Variants in GABRA4 observed in about 807,000 individuals in gnomAD.
The protein encoded by GABRA4 is gamma-aminobutyric acid receptor subunit alpha-4.
GABRA4 carries 12 observed loss-of-function variants against 49.7 expected under a neutral mutation model. The observed-to-expected ratio is 0.24, with a 90% CI of 0.15 to 0.39. The LOEUF (loss-of-function observed/expected upper bound fraction) is 0.39, where lower values mean the gene tolerates loss of function less well. Ranked by LOEUF, GABRA4 falls within the 10% of genes least tolerant of loss-of-function variation. GABRA4 has a pLI of 1.00. For synonymous variants in GABRA4, 288 were observed against 240.2 expected (o/e 1.20, Z -1.84); for missense variants, 506 against 686.0 (o/e 0.74, Z 2.93).
At position 46,977,544 on chromosome 4, in the gene GABRA4, G is replaced by A; in HGVS notation, c.360C>T (p.Asn120=). ...TCCACACTTTCGTTACCATCATATT[G>A]TTCAATCTCAAAATTTCAATGGGGC... The part of the protein sequence containing the change: ...YDGPIEILRL[N]NMMVTKVWTP... The change falls in exon 4 of 9, where the codon AAC becomes AAT. Residue 120 remains asparagine, a synonymous_variant. Transcript: ENST00000264318. The A allele has an allele frequency of 6.2e-7, 1 of 1,612,780 alleles. No individual in the cohort carries two copies. Among genetic ancestry groups the A allele is most frequent in the Admixed American group, 1.7e-5 (1 of 59,902 alleles).
At chr4:46,940,769 C>T (rs575855190) in intron 8 of GABRA4, among the ~76,000 whole-genome samples, 5 of 152,002 alleles carry the variant, frequency 3.3e-5, no homozygotes, top group Non-Finnish European at 7.4e-5. Context: ...AGCCATTTGG[C>T]TGTTTTCCAG....
intron 8 of GABRA4, among the ~76,000 whole-genome samples, chr4:46,931,774 G>A (rs1243996625): frequency 6.6e-6 from 1 of 152,132 alleles, no homozygotes; most frequent in African/African-American, 2.4e-5. Flanking sequence ...GTCAGCCTGG[G>A]CTAGCCTGCT....
chr4:46,971,835 T>C (rs1256087591), intron 6 of GABRA4, among the ~76,000 whole-genome samples: 1 of 150,638 alleles, frequency 6.6e-6, no homozygotes, highest in South Asian at 2.1e-4. Context: ...AAGAAAAATA[T>C]AGACGTGTAT....
chr4:46,968,016 C>T lies in GABRA4; in HGVS notation c.875-2787G>A, dbSNP rs190927433. 1.5e-4 allele frequency among the ~76,000 whole-genome samples: 22 copies of T among 151,672 alleles called. 1 individual carries two copies. Among genetic ancestry groups the T allele is most frequent in the African/African-American group, 5.3e-4 (22 of 41,458 alleles). ...TTGGAGAGATTTTTAGGACACTCTG[C>T]TCCTTTTATTACACTGATTTTTTTT... On this transcript the variant is annotated intron_variant, in intron 7 of 8. Transcript: ENST00000264318.
intron 4 of GABRA4, 41 bp from the exon 5 acceptor site, chr4:46,977,184 A>G: frequency 7.4e-7 from 1 of 1,344,764 alleles, no homozygotes; most frequent in South Asian, 1.3e-5. Context: ...AACCCTTTTA[A>G]AGAATAATTG....
intron 4 of GABRA4, 92 bp downstream of exon 4, chr4:46,977,318 A>ACGGG (rs1723173632): frequency 3.4e-6 from 2 of 587,642 alleles, no homozygotes; most frequent in Non-Finnish European, 5.8e-6. Context: ...GGGAGGGAGG[A>ACGGG]AGGGAGGGAG....
intron 8 of GABRA4, among the ~76,000 whole-genome samples, chr4:46,937,547 G>C (rs1054809951): frequency 3.3e-5 from 5 of 151,684 alleles, no homozygotes; most frequent in Non-Finnish European, 7.4e-5. Flanking sequence ...TACTTTTCTG[G>C]TAACCCCAAA....
Position 46,931,276 on chromosome 4 carries a change from A to G in GABRA4, c.1135-2521T>C, listed in dbSNP as rs552375670. 2.6e-5 allele frequency among the ~76,000 whole-genome samples: 4 copies of G among 152,236 alleles called. No individual in the cohort carries two copies. In the South Asian group the frequency reaches 6.2e-4, roughly 24 times the overall value. ...TGTCAACATTCATGTAGCATTTGGT[A>G]GAGTACGTAGAAGTTCCTGTCTTAA... On this transcript the variant is annotated intron_variant, in intron 8 of 8. Transcript: ENST00000264318.
intron 7 of GABRA4, among the ~76,000 whole-genome samples, chr4:46,970,202 G>A (rs1222941144): frequency 6.6e-6 from 1 of 151,318 alleles, no homozygotes; most frequent in African/African-American, 2.4e-5. Context: ...CATCTCTTCA[G>A]CTATTGTGTG....
Position 46,928,252 on chromosome 4 carries a change from A to G in GABRA4, c.1638T>C (p.Thr546=), listed in dbSNP as rs934138097. 2.5e-6 allele frequency: 4 copies of G among 1,611,390 alleles called. No individual in the cohort carries two copies. The highest frequency in any genetic ancestry group is 1.1e-5 in the South Asian group (1 of 90,922). The change falls in exon 9 of 9, where the codon ACT becomes ACC. Residue 546 remains threonine, a synonymous_variant. Coordinates refer to ENST00000264318, the MANE Select transcript of GABRA4 (RefSeq NM_000809.4). Reference sequence around the variant, plus strand: ...ACATTAGACTTTCTGATTTCTCCATAGTGTCCTTAGATAAATAAACAACCC... The same window carrying G: ...ACATTAGACTTTCTGATTTCTCCATGGTGTCCTTAGATAAATAAACAACCC... The part of the protein sequence containing the change: ...VYWVVYLSKD[T]MEKSESLM
At chr4:46,968,460 T>A (rs751996117) in intron 7 of GABRA4, among the ~76,000 whole-genome samples, 8 of 151,302 alleles carry the variant, frequency 5.3e-5, no homozygotes, top group Non-Finnish European at 1.2e-4. Context: ...AGCCCCCACA[T>A]CCCCACACCT....
chr4:46,947,726 A>T (rs533207693), intron 8 of GABRA4, among the ~76,000 whole-genome samples: 1 of 152,104 alleles, frequency 6.6e-6, no homozygotes, highest in Non-Finnish European at 1.5e-5. Context: ...AGCAAGAGGC[A>T]GAGTCATTAT....
intron 8 of GABRA4, among the ~76,000 whole-genome samples, chr4:46,952,407 A>G (rs1261274162): frequency 6.6e-6 from 1 of 152,114 alleles, no homozygotes; most frequent in Non-Finnish European, 1.5e-5. Context: ...CTGAGTGAAA[A>G]GTGTCCTCTT....
At chr4:46,987,012 C>A (rs1341268054) in intron 2 of GABRA4, among the ~76,000 whole-genome samples, 1 of 152,166 alleles carries the variant, frequency 6.6e-6, no homozygotes, top group African/African-American at 2.4e-5. Flanking sequence ...TGCATCTGCC[C>A]TTGCCTCTGA....
chr4:46,945,472 C>T (rs1721952669), intron 8 of GABRA4, among the ~76,000 whole-genome samples: 1 of 152,120 alleles, frequency 6.6e-6, no homozygotes, highest in Admixed American at 6.6e-5. Context: ...GCTGTGATAG[C>T]TTGTTTAACA....
chr4:46,979,439 C>T (rs1315112619), intron 2 of GABRA4, among the ~76,000 whole-genome samples: 1 of 152,002 alleles, frequency 6.6e-6, no homozygotes, highest in Non-Finnish European at 1.5e-5. Context: ...TCTGATTGGC[C>T]TCTAATAAAG....
chr4:46,976,205 T>G (rs973535088), intron 5 of GABRA4, among the ~76,000 whole-genome samples: 1 of 151,554 alleles, frequency 6.6e-6, no homozygotes. Flanking sequence ...GTTGCCTTCA[T>G]TTCTACAAAA....
intron 8 of GABRA4, among the ~76,000 whole-genome samples, chr4:46,953,316 T>C (rs759400008): frequency 2.0e-5 from 3 of 152,078 alleles, no homozygotes; most frequent in Non-Finnish European, 4.4e-5. Flanking sequence ...TTGGTCCAAA[T>C]ACAGTGTCTG....
chr4:46,987,070 T>G (rs964506055), intron 2 of GABRA4, among the ~76,000 whole-genome samples: 2 of 152,154 alleles, frequency 1.3e-5, no homozygotes, highest in African/African-American at 2.4e-5. Flanking sequence ...AGTTCAGGAC[T>G]TGTCCCTGCT....
Sources: gnomAD v4.1 joint callset for allele counts (sites outside exome capture counted in the v4.1 genomes callset) on GRCh38, gnomAD v4.1.1 for gene constraint, MANE v1.5 for transcripts, NCBI Gene and HGNC (gene_info 2026-07-23, HGNC 2026-07-21) for gene names.